The following ATP10B variants were observed in gnomAD, a reference collection of about 807,000 sequenced individuals.
The protein encoded by ATP10B is ATPase phospholipid transporting 10B (putative).
ATP10B carries 122 observed loss-of-function variants against 141.2 expected under a neutral mutation model. The observed-to-expected ratio is 0.86, with a 90% CI of 0.75 to 1.00. The LOEUF (loss-of-function observed/expected upper bound fraction) is 1.00. Ranked by LOEUF, ATP10B falls within the 50% of genes least tolerant of loss-of-function variation. The pLI is 0.00. For synonymous variants in ATP10B, 685 were observed against 692.0 expected, an observed-to-expected ratio of 0.99 and a Z score of 0.16; for missense variants, 1,876 against 1,825.3, an observed-to-expected ratio of 1.03 and a Z score of -0.51.
intron 2 of ATP10B, among the ~76,000 whole-genome samples, chr5:160,782,800 A>C (rs1770814627): frequency 6.6e-6 from 1 of 152,146 alleles, no homozygotes; most frequent in Non-Finnish European, 1.5e-5. Flanking sequence ...ACATACACAC[A>C]CACACAAACT....
At chr5:160,673,294 G>A (rs7704503) in intron 6 of ATP10B, among the ~76,000 whole-genome samples, 129,057 of 152,164 alleles carry the variant, frequency 0.85, 54,874 homozygotes, top group East Asian at 0.9. Flanking sequence ...AAATTTTTGC[G>A]GGTGCATAGT....
chr5:160,724,274 T>A lies in ATP10B; in HGVS notation c.-330-7240A>T, dbSNP rs959072423. ...TCCTTTTTTTTTTTTTTTTTTTTTT[T>A]AGAGACAGAGTCTTACTCTGTCACC... On this transcript the variant is annotated intron_variant, in intron 2 of 25. Coordinates refer to ENST00000327245, the MANE Select transcript of ATP10B (RefSeq NM_025153.3). 5.2e-4 allele frequency among the ~76,000 whole-genome samples: 69 copies of A among 133,780 alleles called. No individual in the cohort carries two copies. In the East Asian group the frequency reaches 0.015, roughly 30 times the overall value. 87.8% of individuals were successfully genotyped at this position (133,780 alleles called of 152,430 possible).
intron 3 of ATP10B, among the ~76,000 whole-genome samples, chr5:160,702,887 T>A (rs965165636): frequency 1.3e-5 from 2 of 152,236 alleles, no homozygotes; most frequent in African/African-American, 4.8e-5. Context: ...ATTTATCTTT[T>A]AATAGTAGTT....
intron 13 of ATP10B, among the ~76,000 whole-genome samples, chr5:160,626,802 T>A (rs903976868): frequency 6.6e-6 from 1 of 152,216 alleles, no homozygotes; most frequent in Non-Finnish European, 1.5e-5. Context: ...CCTTTCTGGC[T>A]GGGATGTGTT....
At chr5:160,793,159 T>TGCCTAAGTATTTTTGCC (rs1771705084) in intron 1 of ATP10B, among the ~76,000 whole-genome samples, 1 of 152,132 alleles carries the variant, frequency 6.6e-6, no homozygotes, top group Non-Finnish European at 1.5e-5. Flanking sequence ...GTCTTTTTGC[T>TGCCTAAGTATTTTTGCC]GCCTAAGTAT....
In ATP10B at chr5:160,724,421, C is replaced by T. The variant is rs116115187; in HGVS notation, c.-330-7387G>A. On this transcript the variant is annotated intron_variant, in intron 2 of 25. Transcript: ENST00000327245. ...TACAGGAAGGGGCCAGTGTACCTGG[C>T]CACATCCTTAAAAATATGTCAAGTT... Among the ~76,000 whole-genome samples, 310 of 152,040 alleles carry T rather than the reference C, an allele frequency of 2.0e-3. 1 individual carries two copies. Among genetic ancestry groups the T allele is most frequent in the African/African-American group, 7.2e-3 (300 of 41,480 alleles).
At chr5:160,835,732 G>T (rs1554123628) in intron 1 of ATP10B, among the ~76,000 whole-genome samples, 1 of 152,088 alleles carries the variant, frequency 6.6e-6, no homozygotes, top group Non-Finnish European at 1.5e-5. Context: ...GGCAAGTTAG[G>T]CATGGCTTAG....
At chr5:160,908,521 C>G in the ATP10B span, among the ~76,000 whole-genome samples, 1 of 152,180 alleles carries the variant, frequency 6.6e-6, no homozygotes, top group Non-Finnish European at 1.5e-5. Context: ...CATCTGCTAT[C>G]GAAGGATTAG....
chr5:160,570,345 C>T (rs1421658), intron 24 of ATP10B, among the ~76,000 whole-genome samples: 19,607 of 152,060 alleles, frequency 0.13, 1,792 homozygotes, highest in African/African-American at 0.25. Flanking sequence ...AATACACAAT[C>T]GGCTAATGTT....
the ATP10B span, among the ~76,000 whole-genome samples, chr5:160,880,124 A>G: frequency 6.7e-6 from 1 of 148,428 alleles, no homozygotes; most frequent in Admixed American, 6.8e-5. Context: ...ATTATGTAAA[A>G]GAAATTATAT....
chr5:160,898,239 G>A, the ATP10B span, among the ~76,000 whole-genome samples: 7 of 152,054 alleles, frequency 4.6e-5, no homozygotes, highest in Non-Finnish European at 8.8e-5. Context: ...GAAAATTTTT[G>A]CAATCTATCC....
intron 2 of ATP10B, among the ~76,000 whole-genome samples, chr5:160,766,285 C>G (rs375267687): frequency 0.048 from 867 of 18,196 alleles, 11 homozygotes; most frequent in African/African-American, 0.21. Context: ...TTTGCAATTG[C>G]AAAAATACGG....
chr5:160,898,831 T>C, the ATP10B span, among the ~76,000 whole-genome samples: 1 of 152,112 alleles, frequency 6.6e-6, no homozygotes, highest in African/African-American at 2.4e-5. Context: ...AAGGATGAGC[T>C]CATGTGCTTT....
intron 3 of ATP10B, among the ~76,000 whole-genome samples, chr5:160,702,176 T>C (rs1764721751): frequency 6.6e-6 from 1 of 152,236 alleles, no homozygotes; most frequent in African/African-American, 2.4e-5. Flanking sequence ...AAAACAATAA[T>C]TTGTAATTTA....
At chr5:160,840,168 T>A (rs947552486) in intron 1 of ATP10B, among the ~76,000 whole-genome samples, 1 of 152,098 alleles carries the variant, frequency 6.6e-6, no homozygotes, top group Admixed American at 6.6e-5. Flanking sequence ...ATTATTTTAA[T>A]ATCTGTTAAT....
At chr5:160,903,287 C>T in the ATP10B span, among the ~76,000 whole-genome samples, 2 of 152,232 alleles carry the variant, frequency 1.3e-5, no homozygotes, top group African/African-American at 2.4e-5. Context: ...GAAGCCTCTC[C>T]CAGTTCTCGA....
At chr5:160,653,836 ATAT>A (rs1263896736) in intron 7 of ATP10B, among the ~76,000 whole-genome samples, 11 of 128,290 alleles carry the variant, frequency 8.6e-5, no homozygotes, top group Non-Finnish European at 1.6e-4. Flanking sequence ...ATATACATAT[ATAT>A]TATATATACA....
chr5:160,601,867 G>T (rs909928829), intron 21 of ATP10B, among the ~76,000 whole-genome samples: 1 of 152,278 alleles, frequency 6.6e-6, no homozygotes, highest in Admixed American at 6.5e-5. Context: ...GCAAATCCCT[G>T]AAAGAAAGCC....
chr5:160,910,595 C>T, the ATP10B span, among the ~76,000 whole-genome samples: 1 of 152,186 alleles, frequency 6.6e-6, no homozygotes, highest in Non-Finnish European at 1.5e-5. Flanking sequence ...GCTTCACTAT[C>T]CTGTAAGTTA....
Sources: allele counts gnomAD v4.1 joint callset (sites outside exome capture counted in the v4.1 genomes callset), GRCh38; gene constraint gnomAD v4.1.1; transcripts MANE v1.5; gene names NCBI Gene and HGNC (gene_info 2026-07-23, HGNC 2026-07-21).